Variants in CNTNAP2 observed in about 807,000 individuals in gnomAD.
The protein encoded by CNTNAP2 is contactin associated protein 2, also known as contactin-associated protein-like 2.
Under a neutral mutation model 155.2 loss-of-function variants are expected in CNTNAP2, and 98 were observed. The ratio of observed to expected loss-of-function variants is 0.63; its 90% CI spans 0.54 to 0.75. The LOEUF (loss-of-function observed/expected upper bound fraction) is 0.75. Among genes scored for constraint, CNTNAP2 ranks in the 30% least tolerant of loss-of-function variants. The pLI, the probability that CNTNAP2 is intolerant of heterozygous loss-of-function variation, is 0.00. For synonymous variants in CNTNAP2, 651 were observed against 631.2 expected (o/e 1.03, Z -0.47); for missense variants, 1,727 against 1,688.1 (o/e 1.02, Z -0.40).
chr7:147,692,796 G>A (rs1250100346), intron 13 of CNTNAP2, among the ~76,000 whole-genome samples: 1 of 151,896 alleles, frequency 6.6e-6, no homozygotes, highest in Non-Finnish European at 1.5e-5. Flanking sequence ...TCTTTGACTT[G>A]TCTTTTTATT....
rs886997279 is a variant in CNTNAP2, at chr7:148,087,719, C to T, written c.2384-30399C>T. On this transcript the variant is annotated intron_variant, in intron 15 of 23. Transcript: ENST00000361727. ...TTACTGCCCCAAAACATGGAATCAG[C>T]TTCCCTACCATAAGTAGTAAAGAGT... Among the ~76,000 whole-genome samples, 5 of 152,210 alleles carry T rather than the reference C, an allele frequency of 3.3e-5. No homozygotes were observed. The East Asian group carries it at 9.6e-4, about 29-fold the overall frequency.
chr7:146,357,779 A>C (rs1795020736), intron 1 of CNTNAP2, among the ~76,000 whole-genome samples: 1 of 152,008 alleles, frequency 6.6e-6, no homozygotes, highest in Non-Finnish European at 1.5e-5. Flanking sequence ...ACCCCCCATT[A>C]CCTATATGTA....
intron 17 of CNTNAP2, among the ~76,000 whole-genome samples, chr7:148,151,891 A>G (rs1277665858): frequency 6.6e-6 from 1 of 152,174 alleles, no homozygotes; most frequent in Non-Finnish European, 1.5e-5. Context: ...ATTTTTTCAC[A>G]GTCAGCCAAG....
chr7:147,410,244 T>C (rs899466245), intron 10 of CNTNAP2, among the ~76,000 whole-genome samples: 4 of 152,178 alleles, frequency 2.6e-5, no homozygotes. Context: ...TGTGGGAACA[T>C]GAATGGAGCT....
chr7:148,293,073 A>T (rs540181845), intron 21 of CNTNAP2, among the ~76,000 whole-genome samples: 1,689 of 149,288 alleles, frequency 0.011, 32 homozygotes, highest in African/African-American at 0.037. Context: ...TTGACAAAAA[A>T]TAAATAAAAT....
At chr7:148,129,909 G>C (rs546616480) in intron 16 of CNTNAP2, among the ~76,000 whole-genome samples, 1 of 152,162 alleles carries the variant, frequency 6.6e-6, no homozygotes, top group Non-Finnish European at 1.5e-5. Context: ...TAAGGATGAT[G>C]GGGGGAGGGA....
intron 21 of CNTNAP2, among the ~76,000 whole-genome samples, chr7:148,301,371 A>AG (rs1797390265): frequency 6.7e-6 from 1 of 149,278 alleles, no homozygotes; most frequent in South Asian, 2.1e-4. Flanking sequence ...GCATAAAAAA[A>AG]AAAAAGACTA....
rs1187674540 is a variant in CNTNAP2, at chr7:147,112,588, G to C, written c.754+4238G>C. Among the ~76,000 whole-genome samples the C allele has an allele frequency of 3.3e-5, 5 of 152,178 alleles. No individual in the cohort carries two copies. The East Asian group carries it at 9.7e-4, about 29-fold the overall frequency. ...AGAGTTTTTAATATAAAGGGATGTT[G>C]AATTTTATTCAAGAACTTTTCTGCA... On this transcript the variant is annotated intron_variant, in intron 5 of 23. Coordinates refer to ENST00000361727, the MANE Select transcript of CNTNAP2 (RefSeq NM_014141.6).
chr7:146,603,626 G>T (rs574781288), intron 1 of CNTNAP2, among the ~76,000 whole-genome samples: 28 of 150,918 alleles, frequency 1.9e-4, no homozygotes, highest in African/African-American at 6.5e-4. Context: ...TCAACCCTAA[G>T]CCAAAAGAAC....
chr7:147,129,374 G>A (rs1801302650), intron 7 of CNTNAP2, among the ~76,000 whole-genome samples: 1 of 152,190 alleles, frequency 6.6e-6, no homozygotes, highest in Admixed American at 6.5e-5. Flanking sequence ...AGCCAAAGCT[G>A]TGCCACAGAA....
At chr7:146,535,829 T>C (rs802004) in intron 1 of CNTNAP2, among the ~76,000 whole-genome samples, 67,965 of 151,804 alleles carry the variant, frequency 0.45, 17,253 homozygotes, top group African/African-American at 0.7. Context: ...AAAAAGTATG[T>C]GTTAAAAAAC....
At chr7:148,072,938 C>T (rs1185269706) in intron 15 of CNTNAP2, among the ~76,000 whole-genome samples, 1 of 152,140 alleles carries the variant, frequency 6.6e-6, no homozygotes, top group Admixed American at 6.5e-5. Flanking sequence ...AGACTCCTGA[C>T]CTCAGGTGAT....
intron 1 of CNTNAP2, among the ~76,000 whole-genome samples, chr7:146,606,550 CCA>C (rs1454526117): frequency 9.2e-5 from 14 of 152,094 alleles, no homozygotes; most frequent in African/African-American, 3.4e-4. Context: ...TTAAGCCTAG[CCA>C]TAAGTCTATA....
At chr7:146,479,195 T>A (rs774021427) in intron 1 of CNTNAP2, among the ~76,000 whole-genome samples, 1 of 152,176 alleles carries the variant, frequency 6.6e-6, no homozygotes, top group Non-Finnish European at 1.5e-5. Flanking sequence ...AGGATGTTAC[T>A]CATCATTGCT....
Position 148,409,462 on chromosome 7 carries a change from A to C in CNTNAP2, c.3787A>C (p.Ile1263Leu). The change falls in exon 23 of 24, where the codon ATC (isoleucine) becomes CTC (leucine). Residue 1263 changes from isoleucine (I) to leucine (L), a missense_variant. Physicochemically the swap from Ile to Leu is conservative, Grantham distance 5. Coordinates refer to ENST00000361727, the MANE Select transcript of CNTNAP2 (RefSeq NM_014141.6). ...AAATGGAGTCAACAGAAACTCGGCT[A>C]TCATTGGAGGTAGGTGATGTCTAGA... ...IRNGVNRNSAIIGGVIAVVIF... is the reference protein window; with the variant it reads ...IRNGVNRNSALIGGVIAVVIF... 5.6e-6 allele frequency: 9 copies of C among 1,613,892 alleles called. No individual in the cohort carries two copies. The highest frequency in any genetic ancestry group is 7.6e-6 in the Non-Finnish European group (9 of 1,179,784).
intron 21 of CNTNAP2, among the ~76,000 whole-genome samples, chr7:148,346,125 C>G (rs1376173570): frequency 6.6e-6 from 1 of 152,172 alleles, no homozygotes; most frequent in Non-Finnish European, 1.5e-5. Context: ...CATCCTTTTA[C>G]AGTCGTGCTC....
intron 10 of CNTNAP2, among the ~76,000 whole-genome samples, chr7:147,405,744 G>A (rs1796995348): frequency 6.6e-6 from 1 of 152,138 alleles, no homozygotes. Flanking sequence ...TTATGTGTGG[G>A]CCTAGACAAC....
At chr7:147,895,215 C>G (rs1799758527) in intron 13 of CNTNAP2, among the ~76,000 whole-genome samples, 1 of 151,614 alleles carries the variant, frequency 6.6e-6, no homozygotes, top group Non-Finnish European at 1.5e-5. Context: ...CTCAGGTGAT[C>G]CTCCCACCTC....
chr7:146,989,384 G>T (rs535885159), intron 3 of CNTNAP2, among the ~76,000 whole-genome samples: 1 of 152,138 alleles, frequency 6.6e-6, no homozygotes, highest in Non-Finnish European at 1.5e-5. Context: ...ACTGGATACA[G>T]GTTGCCCCAG....
Sources: gnomAD v4.1 joint callset for allele counts (sites outside exome capture counted in the v4.1 genomes callset) on GRCh38, gnomAD v4.1.1 for gene constraint, MANE v1.5 for transcripts, NCBI Gene and HGNC (gene_info 2026-07-23, HGNC 2026-07-21) for gene names.